The following XPOT variants were observed in gnomAD, a reference collection of about 807,000 sequenced individuals.
The protein encoded by XPOT is exportin-T.
Under a neutral mutation model 128.2 loss-of-function variants are expected in XPOT, and 34 were observed. That is an observed-to-expected ratio of 0.27 (90% CI 0.20 to 0.35). The LOEUF is 0.35. Among genes scored for constraint, XPOT ranks in the 10% least tolerant of loss-of-function variants. The pLI is 1.00. For synonymous variants in XPOT, 348 were observed against 394.3 expected, an observed-to-expected ratio of 0.88 and a Z score of 1.39; for missense variants, 838 against 1,125.3, an observed-to-expected ratio of 0.74 and a Z score of 3.65.
At chr12:64,409,918 G>A (rs2040021481) in intron 1 of XPOT, 44 bp from the exon 2 acceptor site, 3 of 767,340 alleles carry the variant, frequency 3.9e-6, no homozygotes, top group Non-Finnish European at 6.8e-6. Flanking sequence ...GCATCTATTT[G>A]TTTATCAAGT....
In XPOT at chr12:64,446,294, G is replaced by A. The variant is rs543272714; in HGVS notation, c.2862+1163G>A. On this transcript the variant is annotated intron_variant, in intron 24 of 24. Transcript: ENST00000332707. ...AGCATTTATAAAAAGTCTTCCTTCT[G>A]GGCCCAACTTCTCTTCAGTGATGAC... Among the ~76,000 whole-genome samples, 13 of 152,244 alleles carry A rather than the reference G, an allele frequency of 8.5e-5. No individual in the cohort carries two copies. The East Asian group carries it at 2.5e-3, about 29-fold the overall frequency.
intron 17 of XPOT, among the ~76,000 whole-genome samples, 174 bp from the exon 18 acceptor site, chr12:64,431,364 G>C (rs2040237317): frequency 6.6e-6 from 1 of 152,220 alleles, no homozygotes; most frequent in Non-Finnish European, 1.5e-5. Context: ...ATTGGAAGCA[G>C]TAGTTTACAA....
Position 64,448,183 on chromosome 12 carries a change from T to C in XPOT, c.*52T>C, listed in dbSNP as rs768715368. On this transcript the variant is annotated 3_prime_UTR_variant, in exon 25 of 25. Transcript: ENST00000332707. ...ATGATCATGAATTCCAGTTAATTTA[T>C]AAAGAGGCGATTTTTGTGTGCCATT... 3.2e-6 allele frequency: 5 copies of C among 1,577,016 alleles called. No individual in the cohort carries two copies. The highest frequency in any genetic ancestry group is 4.4e-6 in the Non-Finnish European group (5 of 1,146,548).
intron 23 of XPOT, among the ~76,000 whole-genome samples, chr12:64,441,656 G>A (rs2040325139): frequency 6.6e-6 from 1 of 151,932 alleles, no homozygotes; most frequent in African/African-American, 2.4e-5. Context: ...TTTTTGGAAT[G>A]ATTAAGAAGC....
chr12:64,417,227 A>G (rs2040095953), intron 4 of XPOT, among the ~76,000 whole-genome samples: 1 of 152,174 alleles, frequency 6.6e-6, no homozygotes, highest in Admixed American at 6.5e-5. Context: ...AAATAAAAAA[A>G]GTGCTGAGTT....
At chr12:64,445,222 T>C in intron 24 of XPOT, 91 bp downstream of exon 24, 1 of 980,656 alleles carries the variant, frequency 1.0e-6, no homozygotes, top group Non-Finnish European at 1.5e-6. Context: ...TAGATGTTTA[T>C]GTGAAGTCCC....
chr12:64,433,514 C>A lies in XPOT; in HGVS notation c.2363C>A (p.Ala788Asp). The A allele has an allele frequency of 1.2e-6, 2 of 1,613,154 alleles. No homozygotes were observed. Among genetic ancestry groups the A allele is most frequent in the Non-Finnish European group, 8.5e-7 (1 of 1,179,428 alleles). Reference sequence around the variant, plus strand: ...GCAGAAGAAAATGACCAGTCTGCTGCTTTAGAGAAGCAGATGTTGCGGAGG... The same window carrying A: ...GCAGAAGAAAATGACCAGTCTGCTGATTTAGAGAAGCAGATGTTGCGGAGG... ...RPAEENDQSAALEKQMLRRSY... is the reference protein window; with the variant it reads ...RPAEENDQSADLEKQMLRRSY... Residue 788 changes from alanine to aspartate, a missense_variant, in exon 19 of 25, where the codon GCT becomes GAT. By Grantham distance (126) the Ala-to-Asp change is moderately radical (BLOSUM62 -2). Coordinates refer to ENST00000332707, the MANE Select transcript of XPOT (RefSeq NM_007235.6).
chr12:64,430,727 G>A (rs1283314469), intron 17 of XPOT, among the ~76,000 whole-genome samples: 1 of 152,108 alleles, frequency 6.6e-6, no homozygotes, highest in African/African-American at 2.4e-5. Context: ...CAGCATGAAA[G>A]TTGTAAAGAT....
chr12:64,417,515 G>A (rs563760510), intron 4 of XPOT, among the ~76,000 whole-genome samples: 1 of 147,278 alleles, frequency 6.8e-6, no homozygotes, highest in South Asian at 2.2e-4. Flanking sequence ...GGGCAATACA[G>A]CAAGACCTTG....
intron 18 of XPOT, among the ~76,000 whole-genome samples, chr12:64,432,200 G>A (rs1379471267): frequency 1.3e-5 from 2 of 151,942 alleles, no homozygotes; most frequent in Non-Finnish European, 2.9e-5. Context: ...CATTTAAGCT[G>A]GCTAATAAAA....
chr12:64,414,676 A>G (rs151064102), intron 2 of XPOT, among the ~76,000 whole-genome samples: 12 of 152,312 alleles, frequency 7.9e-5, no homozygotes, highest in Admixed American at 3.3e-4. Flanking sequence ...TTGCTGCTGT[A>G]AGAAAACAGG....
chr12:64,444,570 A>G (rs990633356), intron 23 of XPOT, among the ~76,000 whole-genome samples: 2 of 152,212 alleles, frequency 1.3e-5, no homozygotes, highest in Admixed American at 6.5e-5. Flanking sequence ...ACAATGCTCT[A>G]TGATTCCATT....
At chr12:64,411,815 C>T (rs1412037817) in intron 2 of XPOT, among the ~76,000 whole-genome samples, 3 of 152,136 alleles carry the variant, frequency 2.0e-5, no homozygotes, top group Non-Finnish European at 4.4e-5. Flanking sequence ...AAAAGTTGAA[C>T]TGACTCTTGT....
chr12:64,433,972 A>T (rs2040260591), intron 19 of XPOT, among the ~76,000 whole-genome samples: 1 of 152,164 alleles, frequency 6.6e-6, no homozygotes, highest in Admixed American at 6.5e-5. Flanking sequence ...AAATTTAGGG[A>T]ACAAGATACC....
intron 1 of XPOT, among the ~76,000 whole-genome samples, chr12:64,406,199 C>T (rs2039980436): frequency 6.6e-6 from 1 of 152,134 alleles, no homozygotes; most frequent in African/African-American, 2.4e-5. Flanking sequence ...CCTCAGCCTC[C>T]TGGGTAGCTG....
At chr12:64,422,856 CTG>C (rs1348038492) in intron 9 of XPOT, 147 bp from the exon 10 acceptor site, 15 of 651,362 alleles carry the variant, frequency 2.3e-5, no homozygotes, top group Non-Finnish European at 3.2e-5. Flanking sequence ...TGAGCCATGA[CTG>C]CGCCACTGCA....
chr12:64,414,789 T>C, intron 2 of XPOT, 118 bp from the exon 3 acceptor site: 1 of 614,332 alleles, frequency 1.6e-6, no homozygotes, highest in Non-Finnish European at 2.9e-6. Context: ...TTTAACTGTT[T>C]TTCTATTAAG....
chr12:64,417,757 T>A (rs1004032302), intron 4 of XPOT, among the ~76,000 whole-genome samples: 2 of 152,226 alleles, frequency 1.3e-5, no homozygotes, highest in Non-Finnish European at 2.9e-5. Flanking sequence ...CCTATTGGTT[T>A]ATTCTGTAGA....
rs1168226505 is a variant in XPOT, at chr12:64,425,875, G to A, written c.1633G>A (p.Ala545Thr). 9.9e-6 allele frequency: 16 copies of A among 1,614,010 alleles called. No homozygotes were observed. The highest frequency in any genetic ancestry group is 1.4e-5 in the Non-Finnish European group (16 of 1,180,024). Reference sequence around the variant, plus strand: ...CAGTGCAAAAGTTCGGAGCAGGACGGCTTACCTGTTTTCTAGATTTGTCAA... The same window carrying A: ...CAGTGCAAAAGTTCGGAGCAGGACGACTTACCTGTTTTCTAGATTTGTCAA... ...HSSAKVRSRT[A>T]YLFSRFVKSL... Residue 545 changes from alanine to threonine, a missense_variant, in exon 15 of 25, where the codon GCT (alanine) becomes ACT (threonine). Physicochemically the swap from Ala to Thr is moderately conservative, Grantham distance 58 (BLOSUM62 0). Around this residue, in one of 3 missense-constraint regions of XPOT, gnomAD observed 761 missense variants for 988.3 expected, o/e 0.77. Coordinates refer to ENST00000332707, the MANE Select transcript of XPOT (RefSeq NM_007235.6).
Sources: allele counts gnomAD v4.1 joint callset (sites outside exome capture counted in the v4.1 genomes callset), GRCh38; gene constraint gnomAD v4.1.1; regional missense constraint gnomAD v4.1.1; transcripts MANE v1.5; gene names NCBI Gene and HGNC (gene_info 2026-07-23, HGNC 2026-07-21).